The following RABGAP1L variants were observed in gnomAD, a reference collection of about 807,000 sequenced individuals.
RABGAP1L encodes the protein RAB GTPase activating protein 1 like.
RABGAP1L carries 63 observed loss-of-function variants against 137.7 expected under a neutral mutation model. The observed-to-expected ratio is 0.46, with a 90% CI of 0.37 to 0.56. The LOEUF (loss-of-function observed/expected upper bound fraction) is 0.56, where lower values mean the gene tolerates loss of function less well. RABGAP1L is among the 20% of genes least tolerant of loss of function. The probability of loss-of-function intolerance (pLI) is 0.00; values close to 1 mark genes in which losing one functional copy is unlikely to be tolerated. For missense variants in RABGAP1L, 1,095 were observed against 1,244.0 expected (o/e 0.88, Z 1.80); for synonymous variants, 431 against 433.7 (o/e 0.99, Z 0.08).
intron 1 of RABGAP1L, among the ~76,000 whole-genome samples, chr1:174,196,358 G>A (rs1667689167): frequency 6.6e-6 from 1 of 151,380 alleles, no homozygotes; most frequent in South Asian, 2.1e-4. Context: ...CGAGCAGCTG[G>A]GACTACAGGT....
Position 174,534,802 on chromosome 1 carries a change from A to AAAAAAT in RABGAP1L, c.1711-102571_1711-102570insAAATAA, listed in dbSNP as rs1553324953. ...AAAAAAAAAAAAAAAAAAAAAAAAA[A>AAAAAAT]AATAATTAGAATAGTATGCCAGTAT... On this transcript the variant is annotated intron_variant, in intron 13 of 25. Transcript: ENST00000681986. Among the ~76,000 whole-genome samples, 115 of 137,296 alleles carry AAAAAAT rather than the reference A, an allele frequency of 8.4e-4. 2 individuals are homozygous for AAAAAAT. Among genetic ancestry groups the AAAAAAT allele is most frequent in the Middle Eastern group, 4.0e-3 (1 of 252 alleles). The allele number at this position is 137,296 out of a possible 152,430, so 90.1% of individuals were successfully genotyped here.
intron 13 of RABGAP1L, among the ~76,000 whole-genome samples, chr1:174,501,005 C>A (rs1425660423): frequency 6.6e-6 from 1 of 151,876 alleles, no homozygotes; most frequent in Non-Finnish European, 1.5e-5. Flanking sequence ...AGAAACTAAA[C>A]ATTTTCTAAT....
At chr1:174,320,208 A>AC (rs1332787845) in intron 11 of RABGAP1L, among the ~76,000 whole-genome samples, 1 of 152,064 alleles carries the variant, frequency 6.6e-6, no homozygotes, top group African/African-American at 2.4e-5. Flanking sequence ...CATTTTCATC[A>AC]CCCCAGAAAC....
chr1:174,236,762 AG>A (rs1671218632), intron 4 of RABGAP1L, among the ~76,000 whole-genome samples: 1 of 113,830 alleles, frequency 8.8e-6, no homozygotes, highest in Non-Finnish European at 1.8e-5. Context: ...TGGGGTGGAG[AG>A]TTCTGTAGAT....
intron 19 of RABGAP1L, among the ~76,000 whole-genome samples, chr1:174,833,410 ATGTGTG>A (rs569902746): frequency 4.3e-5 from 3 of 69,616 alleles, no homozygotes; most frequent in African/African-American, 1.0e-4. Flanking sequence ...GTATGTGTGT[ATGTGTG>A]TGTGTGTATA....
chr1:174,758,959 G>T (rs1450536105), intron 18 of RABGAP1L, among the ~76,000 whole-genome samples: 1 of 152,044 alleles, frequency 6.6e-6, no homozygotes, highest in Non-Finnish European at 1.5e-5. Context: ...CAAGTCCTGT[G>T]GATTCTACTT....
At chr1:174,410,370 A>C (rs1393335259) in intron 13 of RABGAP1L, among the ~76,000 whole-genome samples, 1 of 152,110 alleles carries the variant, frequency 6.6e-6, no homozygotes, top group African/African-American at 2.4e-5. Context: ...ATTTTAATTC[A>C]TCTGGAGTTA....
intron 10 of RABGAP1L, among the ~76,000 whole-genome samples, chr1:174,292,019 TTTATTA>T (rs60906954): frequency 0.016 from 2,253 of 139,002 alleles, 29 homozygotes; most frequent in Non-Finnish European, 0.025. Flanking sequence ...GATTAGATCA[TTTATTA>T]TTATTATTAT....
chr1:174,751,151 C>A (rs1684308579), intron 17 of RABGAP1L, among the ~76,000 whole-genome samples: 3 of 151,976 alleles, frequency 2.0e-5, no homozygotes, highest in Admixed American at 2.0e-4. Context: ...TGAGTAAACC[C>A]CAAACCAAAA....
At chr1:174,622,761 G>A (rs946019911) in intron 13 of RABGAP1L, among the ~76,000 whole-genome samples, 1 of 152,140 alleles carries the variant, frequency 6.6e-6, no homozygotes, top group Admixed American at 6.5e-5. Flanking sequence ...GCTAAATGAC[G>A]AGTTAATGGG....
chr1:174,517,389 C>T (rs937499834), intron 13 of RABGAP1L, among the ~76,000 whole-genome samples: 1 of 152,048 alleles, frequency 6.6e-6, no homozygotes, highest in Admixed American at 6.6e-5. Context: ...TTAAAAGACT[C>T]CATCTTTAAG....
intron 13 of RABGAP1L, among the ~76,000 whole-genome samples, chr1:174,493,614 G>A (rs941425953): frequency 6.6e-6 from 1 of 151,606 alleles, no homozygotes; most frequent in African/African-American, 2.4e-5. Context: ...GAGTCCAGGA[G>A]TTCAAGACCA....
chr1:174,427,712 A>T (rs1652123556), intron 13 of RABGAP1L, among the ~76,000 whole-genome samples: 1 of 152,190 alleles, frequency 6.6e-6, no homozygotes, highest in Admixed American at 6.5e-5. Context: ...ATTTTAAAAG[A>T]ATCCTGGTGT....
chr1:174,791,155 C>A (rs1190672807), intron 18 of RABGAP1L, among the ~76,000 whole-genome samples: 1 of 149,656 alleles, frequency 6.7e-6, no homozygotes, highest in Admixed American at 6.7e-5. Context: ...CGTGCCATTG[C>A]ACTCCAGCCT....
rs1344520479 is a variant in RABGAP1L at position 174,990,681 on chromosome 1, GGCTGTGGTATTCTAACA to G, written c.*682_*698del. ...AATAAGTGTAGGTCAGGATCATTTG[GGCTGTGGTATTCTAACA>G]GATCCTTTTAAGAATGCCACATAGG... On this transcript the variant is annotated 3_prime_UTR_variant, in exon 26 of 26. Coordinates refer to ENST00000681986, the MANE Select transcript of RABGAP1L (RefSeq NM_001366446.1). 2 of 152,106 alleles carry G rather than the reference GGCTGTGGTATTCTAACA, an allele frequency of 1.3e-5. No individual in the cohort carries two copies. Among genetic ancestry groups the G allele is most frequent in the African/African-American group, 4.8e-5 (2 of 41,416 alleles). 9.4% of individuals were successfully genotyped at this position (152,106 alleles called of 1,614,324 possible).
At chr1:174,243,095 G>C (rs948241446) in intron 5 of RABGAP1L, 13 of 152,126 alleles carry the variant, frequency 8.5e-5, no homozygotes, top group African/African-American at 2.9e-4. Context: ...GAGCTTTGAA[G>C]ACCTGGAAAA....
chr1:174,964,706 G>C, intron 20 of RABGAP1L: 1 of 954,034 alleles, frequency 1.0e-6, no homozygotes, highest in East Asian at 3.6e-5. Flanking sequence ...ACAGCAATGT[G>C]GAGAGGGAGG....
rs182025880 is a variant in RABGAP1L at position 174,394,025 on chromosome 1, G to A, written c.1590G>A (p.Gly530=). Reference sequence around the variant, plus strand: ...GTAACCTTGGTGCACGACCGAAAGGGCTGTCTACTCTGGTGAAGAGTGGTG... The same window carrying A: ...GTAACCTTGGTGCACGACCGAAAGGACTGTCTACTCTGGTGAAGAGTGGTG... The part of the protein sequence containing the change: ...WHSNLGARPK[G]LSTLVKSGVP... Residue 530 remains glycine (G), a synonymous_variant, in exon 13 of 26, where the codon GGG becomes GGA. Coordinates refer to ENST00000681986, the MANE Select transcript of RABGAP1L (RefSeq NM_001366446.1). The A allele has an allele frequency of 6.2e-7, 1 of 1,613,586 alleles. No homozygotes were observed. The highest frequency in any genetic ancestry group is 1.3e-5 in the African/African-American group (1 of 75,002).
intron 13 of RABGAP1L, among the ~76,000 whole-genome samples, chr1:174,573,799 A>G (rs889490498): frequency 6.6e-6 from 1 of 152,214 alleles, no homozygotes; most frequent in Non-Finnish European, 1.5e-5. Context: ...TAAGTGCTTA[A>G]CAGAAATATT....
Sources: gnomAD v4.1 joint callset for allele counts (sites outside exome capture counted in the v4.1 genomes callset) on GRCh38, gnomAD v4.1.1 for gene constraint, MANE v1.5 for transcripts, NCBI Gene and HGNC (gene_info 2026-07-23, HGNC 2026-07-21) for gene names.